MAGI2: variants seen among roughly 807,000 people sequenced by gnomAD.
The protein encoded by MAGI2 is membrane-associated guanylate kinase, WW and PDZ domain-containing protein 2.
A neutral mutation model predicts 133.3 loss-of-function variants in MAGI2; 35 were observed. That is an observed-to-expected ratio of 0.26 (90% confidence interval 0.20 to 0.35). The LOEUF (loss-of-function observed/expected upper bound fraction) is 0.35. Ranked by LOEUF, MAGI2 falls within the 10% of genes least tolerant of loss-of-function variation. The pLI is 1.00. For synonymous variants in MAGI2, 729 were observed against 710.6 expected (o/e 1.03, Z -0.41); for missense variants, 1,636 against 1,863.4 (o/e 0.88, Z 2.25).
chr7:79,371,348 A>T (rs184940472), intron 1 of MAGI2, among the ~76,000 whole-genome samples: 69 of 152,250 alleles, frequency 4.5e-4, no homozygotes, highest in African/African-American at 1.6e-3. Context: ...TTACATCAAC[A>T]TACTTCATTC....
chr7:79,005,383 CT>C (rs1807331154), intron 2 of MAGI2, among the ~76,000 whole-genome samples: 1 of 152,112 alleles, frequency 6.6e-6, no homozygotes, highest in Non-Finnish European at 1.5e-5. Context: ...GAAATTACAT[CT>C]TGAAGCTCTT....
In MAGI2 at chr7:79,453,409, C is replaced by G. The variant is rs1849435813; in HGVS notation, c.-89G>C. 6.6e-7 allele frequency: 1 copy of G among 1,511,074 alleles called. No homozygotes were observed. The highest frequency in any genetic ancestry group is 8.8e-7 in the Non-Finnish European group (1 of 1,135,508). 93.6% of individuals were successfully genotyped at this position (1,511,074 alleles called of 1,614,324 possible). ...AATGAGGATGGAGGAGCAAGGGGGC[C>G]CAGGGGGAAGAACAGCAGACTTTGC... is the stretch of plus-strand genomic sequence containing the variant. On this transcript the variant is annotated 5_prime_UTR_variant, in exon 1 of 22. Coordinates refer to ENST00000354212, the MANE Select transcript of MAGI2 (RefSeq NM_012301.4).
At chr7:78,134,162 C>T (rs566470610) in intron 17 of MAGI2, 2 of 152,288 alleles carry the variant, frequency 1.3e-5, no homozygotes, top group South Asian at 4.1e-4. Context: ...GGGACAAAAC[C>T]ACCCCCGTTG....
chr7:79,417,834 T>C (rs7791179), intron 1 of MAGI2, among the ~76,000 whole-genome samples: 37,719 of 151,496 alleles, frequency 0.25, 6,723 homozygotes, highest in African/African-American at 0.51. Context: ...TTTAATAAAA[T>C]AAATGCTTCT....
At chr7:79,350,980 A>G (rs1209193652) in intron 1 of MAGI2, among the ~76,000 whole-genome samples, 1 of 152,152 alleles carries the variant, frequency 6.6e-6, no homozygotes, top group African/African-American at 2.4e-5. Flanking sequence ...AATTTATTTC[A>G]TTTAATAAAA....
At chr7:78,853,388 C>T (rs771182794) in intron 2 of MAGI2, among the ~76,000 whole-genome samples, 14 of 94,510 alleles carry the variant, frequency 1.5e-4, no homozygotes, top group Non-Finnish European at 2.5e-4. Context: ...CAGAGTCTCA[C>T]TCTGTAGTCC....
intron 2 of MAGI2, among the ~76,000 whole-genome samples, chr7:78,972,759 C>T (rs1360638138): frequency 6.6e-6 from 1 of 151,658 alleles, no homozygotes; most frequent in East Asian, 1.9e-4. Context: ...ATTGTATAAC[C>T]ATAGCAATCA....
chr7:78,407,680 G>T (rs1470277233), intron 6 of MAGI2, among the ~76,000 whole-genome samples: 2 of 150,028 alleles, frequency 1.3e-5, no homozygotes, highest in African/African-American at 4.9e-5. Context: ...AAATTCCAAC[G>T]TATTTACTCA....
At chr7:79,035,570 AAG>A (rs755542476) in intron 1 of MAGI2, among the ~76,000 whole-genome samples, 3 of 152,202 alleles carry the variant, frequency 2.0e-5, no homozygotes, top group Non-Finnish European at 2.9e-5. Context: ...TAAATTCTAA[AAG>A]AGAATTGTTT....
chr7:78,314,465 T>A (rs1168704096), intron 9 of MAGI2, among the ~76,000 whole-genome samples: 1 of 152,164 alleles, frequency 6.6e-6, no homozygotes, highest in Non-Finnish European at 1.5e-5. Flanking sequence ...AAAAGATGAC[T>A]GACTTATAAG....
At chr7:78,663,379 G>A (rs1033130554) in intron 2 of MAGI2, among the ~76,000 whole-genome samples, 1 of 151,908 alleles carries the variant, frequency 6.6e-6, no homozygotes, top group East Asian at 1.9e-4. Flanking sequence ...GCTAATTTTT[G>A]TATTTTTAGT....
At chr7:79,150,258 T>TAAA (rs59728410) in intron 1 of MAGI2, among the ~76,000 whole-genome samples, 124 of 148,160 alleles carry the variant, frequency 8.4e-4, no homozygotes, top group East Asian at 1.4e-3. Context: ...AATTTACGGT[T>TAAA]AAAAAAAAAA....
intron 1 of MAGI2, among the ~76,000 whole-genome samples, chr7:79,448,565 C>T (rs1849020110): frequency 6.6e-6 from 1 of 152,012 alleles, no homozygotes; most frequent in Non-Finnish European, 1.5e-5. Context: ...TTATCTTGTA[C>T]ATATAGCTAG....
chr7:78,359,117 T>C (rs1792496350), intron 7 of MAGI2: 1 of 152,244 alleles, frequency 6.6e-6, no homozygotes, highest in Non-Finnish European at 1.5e-5. Flanking sequence ...AGGAATAATT[T>C]GTCTATGACC....
Position 78,390,089 on chromosome 7 carries a change from C to G in MAGI2, c.1046-20876G>C, listed in dbSNP as rs1259913828. ...CAACACCATATTTTATGCTTTCAAA[C>G]TTTTTCTTTTATATTTGACATCTGG... On this transcript the variant is annotated intron_variant, in intron 6 of 21. Transcript: ENST00000354212. 2.0e-5 allele frequency among the ~76,000 whole-genome samples: 3 copies of G among 152,162 alleles called. No individual in the cohort carries two copies. In the South Asian group the frequency reaches 6.2e-4, roughly 31 times the overall value.
chr7:79,397,508 T>C (rs1845145940), intron 1 of MAGI2, among the ~76,000 whole-genome samples: 1 of 152,052 alleles, frequency 6.6e-6, no homozygotes, highest in Non-Finnish European at 1.5e-5. Context: ...TTGGAGTTAA[T>C]GGGTTACAAA....
chr7:78,198,428 G>GTTTT lies in MAGI2; in HGVS notation c.2079+2730_2079+2733dup, dbSNP rs398066996. Among the ~76,000 whole-genome samples the GTTTT allele has an allele frequency of 4.7e-4, 46 of 97,482 alleles. 4 individuals carry two copies. Among genetic ancestry groups the GTTTT allele is most frequent in the African/African-American group, 1.2e-3 (29 of 24,574 alleles). The allele number at this position is 97,482 out of a possible 152,430, so 64.0% of individuals were successfully genotyped here. On this transcript the variant is annotated intron_variant, in intron 11 of 21. Coordinates refer to ENST00000354212, the MANE Select transcript of MAGI2 (RefSeq NM_012301.4). The stretch of plus-strand genomic sequence containing the variant: ...GAACACTCTGTTCATGGCTGTGGCC[G>GTTTT]TTTTTTTTTTTTTTTTTTTTCGAGA...
At chr7:79,320,631 T>C (rs189062892) in intron 1 of MAGI2, among the ~76,000 whole-genome samples, 97 of 152,266 alleles carry the variant, frequency 6.4e-4, no homozygotes, top group Non-Finnish European at 1.0e-3. Flanking sequence ...CATAGAACAA[T>C]AGATGGAGCT....
intron 1 of MAGI2, among the ~76,000 whole-genome samples, chr7:79,403,068 C>A (rs757982731): frequency 7.9e-5 from 12 of 152,192 alleles, no homozygotes; most frequent in Non-Finnish European, 1.5e-4. Context: ...GCCTAACACA[C>A]AGACACACAC....
Sources: allele counts gnomAD v4.1 joint callset (sites outside exome capture counted in the v4.1 genomes callset), GRCh38; gene constraint gnomAD v4.1.1; transcripts MANE v1.5; gene names NCBI Gene and HGNC (gene_info 2026-07-23, HGNC 2026-07-21).